The following BTBD9 variants were observed in gnomAD, a reference collection of about 807,000 sequenced individuals.
The protein encoded by BTBD9 is BTB domain containing 9, also known as BTB/POZ domain-containing protein 9.
BTBD9 carries 49 observed loss-of-function variants against 64.3 expected under a neutral mutation model. That is an observed-to-expected ratio of 0.76 (90% CI 0.61 to 0.97). The LOEUF (loss-of-function observed/expected upper bound fraction) is 0.97. Ranked by LOEUF, BTBD9 falls within the 50% of genes least tolerant of loss-of-function variation. The pLI is 0.00. For missense variants in BTBD9, 598 were observed against 762.1 expected (o/e 0.78, Z 2.53); for synonymous variants, 260 against 274.7 (o/e 0.95, Z 0.53).
intron 6 of BTBD9, among the ~76,000 whole-genome samples, chr6:38,519,010 T>C (rs1052682104): frequency 6.6e-6 from 1 of 152,222 alleles, no homozygotes; most frequent in Non-Finnish European, 1.5e-5. Flanking sequence ...GGCAGTTTTC[T>C]AAAAGAGATA....
At position 38,169,892 on chromosome 6, in the gene BTBD9, A is replaced by G. The variant is rs1766683354; in HGVS notation, c.*5093T>C. 1 of 88,478 alleles carries G rather than the reference A, an allele frequency of 1.1e-5. No homozygotes were observed. Among genetic ancestry groups the G allele is most frequent in the African/African-American group, 3.4e-5 (1 of 29,704 alleles). The allele number at this position is 88,478 out of a possible 1,614,324, so 5.5% of individuals were successfully genotyped here. On this transcript the variant is annotated 3_prime_UTR_variant, in exon 11 of 11. Coordinates refer to ENST00000481247, the MANE Select transcript of BTBD9 (RefSeq NM_001099272.2). ...CATGAGGCCTCTTGGGGACTATTTC[A>G]GTTCTTTAAAAAAAAGAAGACACGA...
intron 7 of BTBD9, among the ~76,000 whole-genome samples, chr6:38,301,322 G>T (rs961043427): frequency 1.3e-5 from 2 of 151,850 alleles, no homozygotes; most frequent in East Asian, 1.9e-4. Context: ...TAAAATTCTC[G>T]TTTTTTGTTG....
At chr6:38,205,064 A>G (rs1398161433) in intron 9 of BTBD9, among the ~76,000 whole-genome samples, 1 of 152,186 alleles carries the variant, frequency 6.6e-6, no homozygotes, top group African/African-American at 2.4e-5. Context: ...AAAATAGAAG[A>G]GAAAGTATAA....
At chr6:38,509,177 C>G (rs1051457814) in intron 6 of BTBD9, among the ~76,000 whole-genome samples, 8 of 152,072 alleles carry the variant, frequency 5.3e-5, no homozygotes, top group Non-Finnish European at 1.2e-4. Flanking sequence ...GGAGGTTACT[C>G]AATAGGGGGA....
chr6:38,470,980 C>T (rs570102876), intron 6 of BTBD9, among the ~76,000 whole-genome samples: 5 of 152,238 alleles, frequency 3.3e-5, no homozygotes, highest in Admixed American at 1.3e-4. Context: ...GATTCATTTG[C>T]TACATTAAAA....
rs182113787 is a variant in BTBD9, at chr6:38,405,912, T to C, written c.1155-60819A>G. Among the ~76,000 whole-genome samples the C allele has an allele frequency of 9.8e-4, 149 of 152,214 alleles. No individual in the cohort carries two copies. In the Middle Eastern group the frequency reaches 0.014, roughly 14 times the overall value. On this transcript the variant is annotated intron_variant, in intron 6 of 10. Coordinates refer to ENST00000481247, the MANE Select transcript of BTBD9 (RefSeq NM_001099272.2). ...AGTTACAAATGAAATTTTGAAAATG[T>C]CTTTGGGGGAATAAAAGCTTTGTGA... is the stretch of plus-strand genomic sequence containing the variant.
chr6:38,554,786 C>T (rs1774945993), intron 6 of BTBD9, among the ~76,000 whole-genome samples: 1 of 152,194 alleles, frequency 6.6e-6, no homozygotes, highest in South Asian at 2.1e-4. Context: ...AAATAATGGG[C>T]TTCCAGAAGC....
chr6:38,235,090 G>C (rs955563930), intron 9 of BTBD9, among the ~76,000 whole-genome samples: 1 of 152,194 alleles, frequency 6.6e-6, no homozygotes, highest in Non-Finnish European at 1.5e-5. Flanking sequence ...AACCACAGGA[G>C]GTTTGCAGCT....
chr6:38,465,976 G>T (rs1770369284), intron 6 of BTBD9, among the ~76,000 whole-genome samples: 2 of 150,178 alleles, frequency 1.3e-5, no homozygotes, highest in African/African-American at 4.9e-5. Context: ...GACTACAGAT[G>T]CATGTCATCA....
intron 9 of BTBD9, among the ~76,000 whole-genome samples, chr6:38,241,065 C>T (rs372481671): frequency 6.6e-6 from 1 of 152,186 alleles, no homozygotes; most frequent in South Asian, 2.1e-4. Context: ...GCCCCTCCTT[C>T]TCCCACCCTC....
In BTBD9 at chr6:38,174,601, A is replaced by G. The variant is rs555511765; in HGVS notation, c.*384T>C. ...CCATTCCTAAAGGGTGCCTCCAGGT[A>G]GCAAAGGCCCAATGGCTTTCTCCTC... On this transcript the variant is annotated 3_prime_UTR_variant, in exon 11 of 11. Coordinates refer to ENST00000481247, the MANE Select transcript of BTBD9 (RefSeq NM_001099272.2). The G allele has an allele frequency of 4.9e-6, 1 of 206,122 alleles. No individual in the cohort carries two copies. The highest frequency in any genetic ancestry group is 1.6e-4 in the South Asian group (1 of 6,410). 12.8% of individuals were successfully genotyped at this position (206,122 alleles called of 1,614,324 possible). A position where few individuals can be genotyped will look rare whatever the true frequency, so the allele number is the denominator to read the frequency against.
At chr6:38,399,752 G>T (rs1766842691) in intron 6 of BTBD9, among the ~76,000 whole-genome samples, 1 of 151,600 alleles carries the variant, frequency 6.6e-6, no homozygotes, top group Non-Finnish European at 1.5e-5. Flanking sequence ...TTTCTTTGTG[G>T]TTTTTATTTT....
intron 4 of BTBD9, among the ~76,000 whole-genome samples, chr6:38,581,197 A>G (rs536786267): frequency 7.2e-4 from 110 of 152,354 alleles, no homozygotes; most frequent in African/African-American, 2.5e-3. Flanking sequence ...CGTCTCAACA[A>G]CAAAAAAATC....
At chr6:38,445,186 G>T (rs58791111) in intron 6 of BTBD9, among the ~76,000 whole-genome samples, 1,915 of 152,282 alleles carry the variant, frequency 0.013, 45 homozygotes, top group African/African-American at 0.043. Context: ...TGAATTTGTT[G>T]TATGAGTGAG....
At chr6:38,498,928 C>T (rs949188738) in intron 6 of BTBD9, among the ~76,000 whole-genome samples, 1 of 152,196 alleles carries the variant, frequency 6.6e-6, no homozygotes, top group Non-Finnish European at 1.5e-5. Flanking sequence ...AATCCCCACA[C>T]ATTTTTATCC....
intron 6 of BTBD9, among the ~76,000 whole-genome samples, chr6:38,392,541 GT>G (rs35043167): frequency 0.27 from 40,501 of 152,054 alleles, 5,960 homozygotes; most frequent in Non-Finnish European, 0.33. Flanking sequence ...TTGTTAGGCA[GT>G]TTACATAAGC....
chr6:38,439,106 C>A (rs1768893750), intron 6 of BTBD9, among the ~76,000 whole-genome samples: 1 of 129,496 alleles, frequency 7.7e-6, no homozygotes, highest in Non-Finnish European at 1.5e-5. Context: ...CGTGTAGCAA[C>A]TGACTTTTTT....
At chr6:38,486,499 T>C (rs1771431409) in intron 6 of BTBD9, among the ~76,000 whole-genome samples, 1 of 152,206 alleles carries the variant, frequency 6.6e-6, no homozygotes. Context: ...GTAGGGTTAT[T>C]AACTGGCCTA....
chr6:38,400,972 G>A (rs922591624), intron 6 of BTBD9, among the ~76,000 whole-genome samples: 4 of 152,164 alleles, frequency 2.6e-5, no homozygotes, highest in African/African-American at 9.7e-5. Context: ...TGGCTCAAGA[G>A]TCTTTTCCTT....
Sources: gnomAD v4.1 joint callset for allele counts (sites outside exome capture counted in the v4.1 genomes callset) on GRCh38, gnomAD v4.1.1 for gene constraint, MANE v1.5 for transcripts, NCBI Gene and HGNC (gene_info 2026-07-23, HGNC 2026-07-21) for gene names.